RGS9: variants seen among roughly 807,000 people sequenced by gnomAD.
The protein encoded by RGS9 is regulator of G protein signaling 9.
Under a neutral mutation model 102.0 loss-of-function variants are expected in RGS9, and 78 were observed. The ratio of observed to expected loss-of-function variants is 0.76; its 90% confidence interval spans 0.64 to 0.92. The LOEUF is 0.92. Ranked by LOEUF, RGS9 falls within the 40% of genes least tolerant of loss-of-function variation. The pLI, the probability that RGS9 is intolerant of heterozygous loss-of-function variation, is 0.00. For synonymous variants in RGS9, 353 were observed against 318.6 expected (o/e 1.11, Z -1.15); for missense variants, 833 against 866.1 (o/e 0.96, Z 0.48).
In RGS9 at chr17:65,141,580, G is replaced by C. The variant is rs145417397; in HGVS notation, c.57+3983G>C. On this transcript the variant is annotated intron_variant, in intron 1 of 18. Transcript: ENST00000262406. ...ATTGGGTACTTATGGGCTAGATGCT[G>C]TGCCAGGTGCTGGGAGCACCAAGGA... Among the ~76,000 whole-genome samples, 492 of 152,324 alleles carry C rather than the reference G, an allele frequency of 3.2e-3. 4 individuals are homozygous for C. The highest frequency in any genetic ancestry group is 0.011 in the African/African-American group (469 of 41,580).
Position 65,137,379 on chromosome 17 carries a change from C to G in RGS9, c.-162C>G. On this transcript the variant is annotated 5_prime_UTR_variant, in exon 1 of 19. Coordinates refer to ENST00000262406, the MANE Select transcript of RGS9 (RefSeq NM_003835.4). The stretch of plus-strand genomic sequence containing the variant: ...TTCCAGCTGCTTTCCAAGTCAGCGG[C>G]GCCTAGTGAGAGTCAGGGGGGCCCG... 1.5e-6 allele frequency: 1 copy of G among 679,732 alleles called. No individual in the cohort carries two copies. Among genetic ancestry groups the G allele is most frequent in the East Asian group, 2.8e-5 (1 of 36,290 alleles). 42.1% of individuals were successfully genotyped at this position (679,732 alleles called of 1,614,324 possible). A position where few individuals can be genotyped will look rare whatever the true frequency, so the allele number is the denominator to read the frequency against.
At chr17:65,226,400 TA>T in intron 18 of RGS9, among the ~76,000 whole-genome samples, 1 of 152,078 alleles carries the variant, frequency 6.6e-6, no homozygotes, top group South Asian at 2.1e-4. Flanking sequence ...CTGTGTCGCT[TA>T]GGGGGAGAGG....
Position 65,200,241 on chromosome 17 carries a change from A to G in RGS9, c.977-1752A>G, listed in dbSNP as rs28718547. Among the ~76,000 whole-genome samples, 642 of 152,218 alleles carry G rather than the reference A, an allele frequency of 4.2e-3. 3 individuals carry two copies. The highest frequency in any genetic ancestry group is 0.015 in the African/African-American group (605 of 41,540). On this transcript the variant is annotated intron_variant, in intron 13 of 18. Coordinates refer to ENST00000262406, the MANE Select transcript of RGS9 (RefSeq NM_003835.4). ...GAGACAGGGTTTCACCATGTTTGTC[A>G]GGCTGGTCTCGAACTCCTGACCTTG...
At chr17:65,197,671 TC>T (rs1258704276) in intron 13 of RGS9, among the ~76,000 whole-genome samples, 37 of 151,994 alleles carry the variant, frequency 2.4e-4, no homozygotes, top group African/African-American at 8.4e-4. Flanking sequence ...TTTGTTTCTT[TC>T]TTTTTTTTTT....
chr17:65,223,466 C>A (rs771822619), intron 17 of RGS9, among the ~76,000 whole-genome samples: 1 of 152,242 alleles, frequency 6.6e-6, no homozygotes, highest in African/African-American at 2.4e-5. Context: ...TTTCTTCCCC[C>A]ACCAGAGCTG....
intron 9 of RGS9, among the ~76,000 whole-genome samples, chr17:65,183,131 T>C (rs1212671746): frequency 2.1e-5 from 3 of 140,266 alleles, no homozygotes; most frequent in African/African-American, 8.7e-5. Context: ...TACATACCTA[T>C]CTATCTATTT....
chr17:65,165,668 A>G (rs1290172106), intron 7 of RGS9, among the ~76,000 whole-genome samples: 1 of 151,972 alleles, frequency 6.6e-6, no homozygotes, highest in African/African-American at 2.4e-5. Flanking sequence ...CCCTGGTTGA[A>G]CCAAACTCAC....
chr17:65,192,115 A>G (rs1173485530), intron 11 of RGS9, among the ~76,000 whole-genome samples: 4 of 152,238 alleles, frequency 2.6e-5, no homozygotes, highest in Admixed American at 1.3e-4. Context: ...TAGGGGGTAC[A>G]TAGTGATGTT....
chr17:65,143,784 A>G (rs1910248977), intron 1 of RGS9, among the ~76,000 whole-genome samples: 1 of 128,644 alleles, frequency 7.8e-6, no homozygotes, highest in African/African-American at 3.7e-5. Context: ...ACAGAGCCAG[A>G]CTCTGTCTCA....
chr17:65,187,709 C>T lies in RGS9; in HGVS notation c.655-1577C>T, dbSNP rs578213875. Among the ~76,000 whole-genome samples the T allele has an allele frequency of 5.3e-5, 8 of 152,206 alleles. No individual in the cohort carries two copies. The East Asian group carries it at 5.8e-4, about 11-fold the overall frequency. On this transcript the variant is annotated intron_variant, in intron 9 of 18. Coordinates refer to ENST00000262406, the MANE Select transcript of RGS9 (RefSeq NM_003835.4). ...TAACAAGGCAGGAATTAAGAGGGTCCGCGTGAGGCCGGGTGCGGTGGCTCA... is the reference window on the plus strand; with the variant it reads ...TAACAAGGCAGGAATTAAGAGGGTCTGCGTGAGGCCGGGTGCGGTGGCTCA...
chr17:65,189,586 G>T (rs1020149970), intron 10 of RGS9, among the ~76,000 whole-genome samples: 1 of 152,326 alleles, frequency 6.6e-6, no homozygotes, highest in African/African-American at 2.4e-5. Flanking sequence ...AACCAATGCT[G>T]CAGGCTGCAG....
chr17:65,137,639 G>A (rs756272433), intron 1 of RGS9, 42 bp downstream of exon 1: 4 of 1,602,114 alleles, frequency 2.5e-6, no homozygotes, highest in Non-Finnish European at 8.5e-7. Flanking sequence ...GGAGGGCGGG[G>A]GACCGCATCT....
chr17:65,179,592 C>A (rs1036224440), intron 9 of RGS9, among the ~76,000 whole-genome samples: 10 of 149,532 alleles, frequency 6.7e-5, no homozygotes, highest in Non-Finnish European at 1.3e-4. Flanking sequence ...GGGGTGGGAA[C>A]AAAGGGTCAC....
chr17:65,166,076 C>G (rs902599536), intron 7 of RGS9, among the ~76,000 whole-genome samples: 2 of 152,176 alleles, frequency 1.3e-5, no homozygotes, highest in African/African-American at 4.8e-5. Context: ...CTAGCTTGAG[C>G]TACCTCACAG....
Position 65,227,674 on chromosome 17 carries a change from A to G in RGS9, c.*267A>G, listed in dbSNP as rs370270384. 7.9e-6 allele frequency: 4 copies of G among 508,930 alleles called. No individual in the cohort carries two copies. Among genetic ancestry groups the G allele is most frequent in the African/African-American group, 3.9e-5 (2 of 51,940 alleles). 31.5% of individuals were successfully genotyped at this position (508,930 alleles called of 1,614,324 possible). A position where few individuals can be genotyped will look rare whatever the true frequency, so the allele number is the denominator to read the frequency against. On this transcript the variant is annotated 3_prime_UTR_variant, in exon 19 of 19. Transcript: ENST00000262406. ...AGACTTTCCCTGCTGCCTTAAAACC[A>G]ATAAAAGGTTAACTTTAAGTTTCTT...
chr17:65,184,421 G>C (rs557148327), intron 9 of RGS9, among the ~76,000 whole-genome samples: 44 of 152,250 alleles, frequency 2.9e-4, no homozygotes, highest in African/African-American at 9.1e-4. Flanking sequence ...TGCCGCTCAC[G>C]TGCTCAGTGG....
Position 65,149,046 on chromosome 17 carries a change from C to G in RGS9, c.58-4376C>G, listed in dbSNP as rs559195354. On this transcript the variant is annotated intron_variant, in intron 1 of 18. Transcript: ENST00000262406. Reference sequence around the variant, plus strand: ...ACGTGATCTCGGCTCATTGCAACCTCTGCCTCCCAGGTTCAAGCGATTTTC... The same window carrying G: ...ACGTGATCTCGGCTCATTGCAACCTGTGCCTCCCAGGTTCAAGCGATTTTC... 5.3e-5 allele frequency among the ~76,000 whole-genome samples: 8 copies of G among 152,202 alleles called. No homozygotes were observed. The South Asian group carries it at 1.7e-3, about 32-fold the overall frequency.
At chr17:65,204,412 T>A in intron 15 of RGS9, 111 bp downstream of exon 15, 1 of 1,346,874 alleles carries the variant, frequency 7.4e-7, no homozygotes, top group Non-Finnish European at 1.0e-6. Flanking sequence ...GATAGAGCTT[T>A]GCCGGTTGTG....
chr17:65,158,531 T>C (rs1414183517), intron 3 of RGS9, 186 bp downstream of exon 3: 3 of 686,036 alleles, frequency 4.4e-6, no homozygotes, highest in Non-Finnish European at 7.9e-6. Context: ...GAAAGAGTTA[T>C]TTTGTACAAA....
Sources: allele counts gnomAD v4.1 joint callset (sites outside exome capture counted in the v4.1 genomes callset), GRCh38; gene constraint gnomAD v4.1.1; transcripts MANE v1.5; gene names NCBI Gene and HGNC (gene_info 2026-07-23, HGNC 2026-07-21).